Variants in PDE1C observed in about 807,000 individuals in gnomAD.
The protein encoded by PDE1C is phosphodiesterase 1C, also known as dual specificity calcium/calmodulin-dependent 3',5'-cyclic nucleotide phosphodiesterase 1C.
PDE1C carries 62 observed loss-of-function variants against 93.1 expected under a neutral mutation model. The ratio of observed to expected loss-of-function variants is 0.67; its 90% CI spans 0.54 to 0.82. PDE1C has a LOEUF of 0.82. Ranked by LOEUF, PDE1C falls within the 40% of genes least tolerant of loss-of-function variation. PDE1C has a pLI of 0.00. For synonymous variants in PDE1C, 325 were observed against 310.1 expected, an observed-to-expected ratio of 1.05 and a Z score of -0.50; for missense variants, 742 against 884.6, an observed-to-expected ratio of 0.84 and a Z score of 2.04.
intron 6 of PDE1C, among the ~76,000 whole-genome samples, chr7:31,869,361 T>C (rs1301514866): frequency 4.6e-5 from 7 of 152,064 alleles, no homozygotes; most frequent in African/African-American, 1.7e-4. Flanking sequence ...CCCAACTATA[T>C]GTCGCCTATA....
At chr7:31,621,985 A>G in the PDE1C span, among the ~76,000 whole-genome samples, 1 of 145,516 alleles carries the variant, frequency 6.9e-6, no homozygotes, top group Non-Finnish European at 1.5e-5. Flanking sequence ...CTTTAAACCA[A>G]CAAAGATCAA....
At chr7:31,981,937 AGGT>A (rs1351238199) in intron 2 of PDE1C, among the ~76,000 whole-genome samples, 1 of 152,244 alleles carries the variant, frequency 6.6e-6, no homozygotes, top group Non-Finnish European at 1.5e-5. Flanking sequence ...ACTTTGTTCT[AGGT>A]GCTGTATGCC....
At chr7:32,083,459 T>C (rs1424418289) in intron 3 of PDE1C, among the ~76,000 whole-genome samples, 1 of 152,150 alleles carries the variant, frequency 6.6e-6, no homozygotes. Context: ...TTCCCCAGTC[T>C]AGCAAGGCAG....
At chr7:32,267,706 T>C (rs1320962676) in intron 1 of PDE1C, among the ~76,000 whole-genome samples, 1 of 151,544 alleles carries the variant, frequency 6.6e-6, no homozygotes, top group Non-Finnish European at 1.5e-5. Context: ...AGGGAAGGCA[T>C]GGAACATCAC....
At chr7:31,874,468 C>T (rs1796304574) in intron 5 of PDE1C, among the ~76,000 whole-genome samples, 1 of 152,230 alleles carries the variant, frequency 6.6e-6, no homozygotes, top group Admixed American at 6.5e-5. Flanking sequence ...AGATGGTACA[C>T]TGGCAGAGAC....
At chr7:32,320,105 T>C (rs1297191479) in intron 1 of PDE1C, among the ~76,000 whole-genome samples, 1 of 152,224 alleles carries the variant, frequency 6.6e-6, no homozygotes, top group Non-Finnish European at 1.5e-5. Flanking sequence ...TTCCCCACAC[T>C]ACCAACTGAC....
rs1805188031 is a variant in PDE1C at position 32,203,593 on chromosome 7, T to C, written c.136+5896A>G. 3.9e-5 allele frequency among the ~76,000 whole-genome samples: 6 copies of C among 152,112 alleles called. No homozygotes were observed. The South Asian group carries it at 1.2e-3, about 32-fold the overall frequency. On this transcript the variant is annotated intron_variant, in intron 2 of 18. Transcript: ENST00000396193. ...AGGAAAATCTATTTCCAAAAATACC[T>C]GGATTCTTAATTAATCTCTATTTTC...
In PDE1C at chr7:32,005,578, A is replaced by AAAAAAAAC. The variant is rs1204630246; in HGVS notation, c.128+45975_128+45976insGTTTTTTT. ...TTCAAAAAAAAAAAAAAAAAAAAAA[A>AAAAAAAAC]AAAGAATTGTGATCTGAGAAATCAC... On this transcript the variant is annotated intron_variant, in intron 2 of 17. Coordinates refer to ENST00000396191, the MANE Select transcript of PDE1C (RefSeq NM_001191057.4). Among the ~76,000 whole-genome samples the AAAAAAAAC allele has an allele frequency of 3.9e-3, 409 of 103,770 alleles. 54 individuals carry two copies. The highest frequency in any genetic ancestry group is 0.017 in the African/African-American group (396 of 23,904). The allele number at this position is 103,770 out of a possible 152,430, so 68.1% of individuals were successfully genotyped here.
chr7:32,060,082 G>A (rs1411111259), intron 1 of PDE1C, among the ~76,000 whole-genome samples: 1 of 152,230 alleles, frequency 6.6e-6, no homozygotes, highest in African/African-American at 2.4e-5. Flanking sequence ...AAAGGATTAA[G>A]ACAAAATCTC....
chr7:32,254,992 G>A (rs1258378436), intron 1 of PDE1C, among the ~76,000 whole-genome samples: 2 of 152,114 alleles, frequency 1.3e-5, no homozygotes, highest in African/African-American at 4.8e-5. Context: ...TTCTTCTTAG[G>A]AATCTGCCAA....
At chr7:32,208,307 C>G (rs1350634764) in intron 2 of PDE1C, among the ~76,000 whole-genome samples, 1 of 152,114 alleles carries the variant, frequency 6.6e-6, no homozygotes, top group East Asian at 1.9e-4. Context: ...ATGGCACTGT[C>G]CACACTCAGA....
Position 31,863,374 on chromosome 7 carries a change from A to G in PDE1C, c.750+1568T>C, listed in dbSNP as rs563128986. Among the ~76,000 whole-genome samples the G allele has an allele frequency of 3.3e-5, 5 of 152,316 alleles. No individual in the cohort carries two copies. In the South Asian group the frequency reaches 8.3e-4, roughly 25 times the overall value. ...ATGATCACATTATTTCACAGAATAT[A>G]TCTTCAACTTTTGAAGATATCATAT... On this transcript the variant is annotated intron_variant, in intron 7 of 17. Coordinates refer to ENST00000396191, the MANE Select transcript of PDE1C (RefSeq NM_001191057.4).
intron 17 of PDE1C, among the ~76,000 whole-genome samples, chr7:31,765,096 A>C (rs143424305): frequency 6.6e-6 from 1 of 152,142 alleles, no homozygotes; most frequent in African/African-American, 2.4e-5. Flanking sequence ...GCTCATTTCT[A>C]CTGGTCTCAT....
intron 14 of PDE1C, among the ~76,000 whole-genome samples, chr7:31,821,545 A>G (rs1321542289): frequency 6.6e-6 from 1 of 152,132 alleles, no homozygotes; most frequent in African/African-American, 2.4e-5. Flanking sequence ...GCTGCTTGCA[A>G]TGCCTGCCAA....
At chr7:31,808,271 A>T (rs753647872) in intron 16 of PDE1C, 4 of 395,356 alleles carry the variant, frequency 1.0e-5, no homozygotes, top group Non-Finnish European at 1.9e-5. Flanking sequence ...ATTCTCTCAA[A>T]AACCACTCCG....
intron 1 of PDE1C, among the ~76,000 whole-genome samples, chr7:32,258,026 G>T (rs1028611963): frequency 6.6e-6 from 1 of 152,214 alleles, no homozygotes; most frequent in African/African-American, 2.4e-5. Context: ...CCAATTCAAA[G>T]ACACCAGGTT....
the PDE1C span, among the ~76,000 whole-genome samples, chr7:31,723,884 T>C: frequency 6.6e-6 from 1 of 152,186 alleles, no homozygotes; most frequent in Non-Finnish European, 1.5e-5. Flanking sequence ...AATCCACATA[T>C]GAAGCAAGCT....
chr7:32,369,725 C>T (rs920050539), intron 1 of PDE1C, among the ~76,000 whole-genome samples: 3 of 152,198 alleles, frequency 2.0e-5, no homozygotes, highest in African/African-American at 7.2e-5. Flanking sequence ...AGCCAAGATA[C>T]AGGATACCTT....
intron 2 of PDE1C, among the ~76,000 whole-genome samples, chr7:32,177,558 C>T (rs56281766): frequency 0.13 from 19,337 of 152,102 alleles, 1,316 homozygotes; most frequent in Middle Eastern, 0.19. Flanking sequence ...CCCCAACCAC[C>T]GCCCTTATAG....
Sources: gnomAD v4.1 joint callset for allele counts (sites outside exome capture counted in the v4.1 genomes callset) on GRCh38, gnomAD v4.1.1 for gene constraint, MANE v1.5 for transcripts, NCBI Gene and HGNC (gene_info 2026-07-23, HGNC 2026-07-21) for gene names.